The following USP2 variants were observed in gnomAD, a reference collection of about 807,000 sequenced individuals.
USP2 encodes ubiquitin specific peptidase 2.
A neutral mutation model predicts 72.0 loss-of-function variants in USP2; 33 were observed. That is an observed-to-expected ratio of 0.46 (90% confidence interval 0.35 to 0.61). The LOEUF is 0.61. USP2 is among the 20% of genes least tolerant of loss of function. The pLI is 0.01. For synonymous variants in USP2, 296 were observed against 312.5 expected, an observed-to-expected ratio of 0.95 and a Z score of 0.56; for missense variants, 691 against 797.8, an observed-to-expected ratio of 0.87 and a Z score of 1.61.
At chr11:119,364,134 C>G in intron 2 of USP2, 4 of 1,218,804 alleles carry the variant, frequency 3.3e-6, no homozygotes, top group African/African-American at 1.6e-5. Context: ...CGCCCGAACG[C>G]GCGCTCCTCC....
intron 7 of USP2, 34 bp downstream of exon 7, chr11:119,358,739 G>A (rs747551310): frequency 5.0e-6 from 8 of 1,612,200 alleles, no homozygotes; most frequent in Non-Finnish European, 6.8e-6. Flanking sequence ...GCAGGCAACA[G>A]TGAAAACAGG....
At chr11:119,364,257 G>C in intron 2 of USP2, 1 of 966,566 alleles carries the variant, frequency 1.0e-6, no homozygotes, top group East Asian at 7.8e-5. Flanking sequence ...GCTGGGGCGG[G>C]GCCAGGCCCT....
Position 119,356,795 on chromosome 11 carries a change from G to A in USP2, c.*40C>T. ...TCTTTTTAAAAAATTTAGGGAGCGGGGCCACCACGGGGAAGGGAGAAGGGA... is the reference window on the plus strand; with the variant it reads ...TCTTTTTAAAAAATTTAGGGAGCGGAGCCACCACGGGGAAGGGAGAAGGGA... On this transcript the variant is annotated 3_prime_UTR_variant, in exon 13 of 13. Coordinates refer to ENST00000260187, the MANE Select transcript of USP2 (RefSeq NM_004205.5). 1.3e-6 allele frequency: 2 copies of A among 1,512,094 alleles called. No individual in the cohort carries two copies. Among genetic ancestry groups the A allele is most frequent in the Non-Finnish European group, 1.8e-6 (2 of 1,124,882 alleles). The allele number at this position is 1,512,094 out of a possible 1,614,324, so 93.7% of individuals were successfully genotyped here.
At chr11:119,359,904 A>G (rs1950736184) in intron 3 of USP2, among the ~76,000 whole-genome samples, 1 of 152,214 alleles carries the variant, frequency 6.6e-6, no homozygotes. Flanking sequence ...GATGTGATGG[A>G]CAGAAGTGTG....
intron 2 of USP2, chr11:119,363,818 G>A: frequency 7.2e-7 from 1 of 1,385,792 alleles, no homozygotes; most frequent in Non-Finnish European, 9.4e-7. Flanking sequence ...CAGGCCCTCG[G>A]CGCGGGGGTC....
chr11:119,358,554 G>T, intron 7 of USP2: 1 of 627,634 alleles, frequency 1.6e-6, no homozygotes, highest in African/African-American at 1.8e-5. Flanking sequence ...GACCTCAGGT[G>T]ATCTACCCGC....
At position 119,373,368 on chromosome 11, in the gene USP2, T is replaced by G. The variant is rs1363855556; in HGVS notation, c.113A>C (p.Asn38Thr). 21 of 1,611,994 alleles carry G rather than the reference T, an allele frequency of 1.3e-5. No homozygotes were observed. Among genetic ancestry groups the G allele is most frequent in the African/African-American group, 2.7e-5 (2 of 74,900 alleles). Residue 38 changes from asparagine (N) to threonine (T), a missense_variant, in exon 2 of 13, where the codon AAT becomes ACT. Asn to Thr is a moderately conservative substitution (Grantham distance 65, BLOSUM62 0). Transcript: ENST00000260187. ...CTTCTCCAGTAAGGAGGCAGCCAGA[T>G]TGGCCCCATAGGAGGACGGGGTGTA... is the stretch of plus-strand genomic sequence containing the variant. ...GAYTPSSYGA[N>T]LAASLLEKEK...
intron 2 of USP2, among the ~76,000 whole-genome samples, chr11:119,362,415 T>C (rs1240402190): frequency 6.6e-6 from 1 of 151,964 alleles, no homozygotes; most frequent in Non-Finnish European, 1.5e-5. Flanking sequence ...TTGGTTGTTA[T>C]GTTTTAGGGT....
rs777131363 is a variant in USP2 at position 119,356,842 on chromosome 11, C to A, written c.1811G>T (p.Arg604Leu). 2 of 1,562,702 alleles carry A rather than the reference C, an allele frequency of 1.3e-6. No homozygotes were observed. The highest frequency in any genetic ancestry group is 2.3e-5 in the East Asian group (1 of 42,660). ...GGGACGTGGCTCCTGGCGCTACATT[C>A]GGGAGGGCGGGCTGGCCAGTTCGTA... ...LFYELASPPS[R>L]M Residue 604 changes from arginine (R) to leucine (L), a missense_variant, in exon 13 of 13, where the codon CGA (arginine) becomes CTA (leucine). Arg to Leu is a moderately radical substitution (Grantham distance 102, BLOSUM62 -2). Coordinates refer to ENST00000260187, the MANE Select transcript of USP2 (RefSeq NM_004205.5).
At chr11:119,361,477 A>G (rs1321681446) in intron 2 of USP2, among the ~76,000 whole-genome samples, 1 of 152,136 alleles carries the variant, frequency 6.6e-6, no homozygotes, top group Non-Finnish European at 1.5e-5. Context: ...CTGGAGCAAC[A>G]CTGGGGCATG....
At chr11:119,380,587 G>C (rs369501644) in intron 1 of USP2, among the ~76,000 whole-genome samples, 1 of 152,142 alleles carries the variant, frequency 6.6e-6, no homozygotes, top group African/African-American at 2.4e-5. Flanking sequence ...GGCTCTCCCC[G>C]AGGACTGGGA....
intron 1 of USP2, among the ~76,000 whole-genome samples, chr11:119,379,747 A>G (rs1951038360): frequency 6.6e-6 from 1 of 152,204 alleles, no homozygotes; most frequent in African/African-American, 2.4e-5. Context: ...AGGATTAAAT[A>G]AAATAATATT....
In USP2 at chr11:119,381,587, C is replaced by A; in HGVS notation, c.-156G>T. Reference sequence around the variant, plus strand: ...GCACCAGCTGACGAAGAGGGCTCCCCGGCCTCGGCTCCTGCCTGACTCTCT... The same window carrying A: ...GCACCAGCTGACGAAGAGGGCTCCCAGGCCTCGGCTCCTGCCTGACTCTCT... On this transcript the variant is annotated 5_prime_UTR_variant, in exon 1 of 13. Transcript: ENST00000260187. The A allele has an allele frequency of 1.3e-6, 2 of 1,525,290 alleles. No homozygotes were observed. The highest frequency in any genetic ancestry group is 1.8e-6 in the Non-Finnish European group (2 of 1,137,416). The allele number at this position is 1,525,290 out of a possible 1,614,324, so 94.5% of individuals were successfully genotyped here.
chr11:119,360,450 A>G (rs1230384651), intron 2 of USP2: 2 of 605,966 alleles, frequency 3.3e-6, no homozygotes, highest in Admixed American at 4.9e-5. Flanking sequence ...TTGAGACGGA[A>G]TCTCACGCTG....
chr11:119,363,437 C>A (rs1256300049), intron 2 of USP2, among the ~76,000 whole-genome samples: 1 of 152,188 alleles, frequency 6.6e-6, no homozygotes, highest in African/African-American at 2.4e-5. Context: ...GGGGAGGCGG[C>A]CCCTTTCTGC....
At chr11:119,376,796 T>C (rs1951007684) in intron 1 of USP2, among the ~76,000 whole-genome samples, 1 of 152,272 alleles carries the variant, frequency 6.6e-6, no homozygotes, top group Admixed American at 6.5e-5. Flanking sequence ...GTACTTCACA[T>C]GCAGCTTCTG....
chr11:119,364,194 G>A (rs1223753362), intron 2 of USP2: 1 of 1,165,610 alleles, frequency 8.6e-7, no homozygotes, highest in East Asian at 3.9e-5. Flanking sequence ...CCCGGCTCTC[G>A]CGCTCCGGCC....
chr11:119,362,967 G>T (rs539095573), intron 2 of USP2, among the ~76,000 whole-genome samples: 19 of 152,354 alleles, frequency 1.2e-4, no homozygotes, highest in Admixed American at 3.9e-4. Context: ...GCTCAGGAGA[G>T]CCCTGCCTGG....
chr11:119,370,410 A>G (rs514808), intron 2 of USP2, among the ~76,000 whole-genome samples: 141,778 of 152,288 alleles, frequency 0.93, 66,128 homozygotes, highest in East Asian at 1. Context: ...GGAGGACACA[A>G]GTTCAGAAGC....
Sources: allele counts gnomAD v4.1 joint callset (sites outside exome capture counted in the v4.1 genomes callset), GRCh38; gene constraint gnomAD v4.1.1; transcripts MANE v1.5; gene names NCBI Gene and HGNC (gene_info 2026-07-23, HGNC 2026-07-21).